ANKRD30B: variants seen among roughly 807,000 people sequenced by gnomAD.
The protein encoded by ANKRD30B is ankyrin repeat domain-containing protein 30B.
Under a neutral mutation model 202.2 loss-of-function variants are expected in ANKRD30B, and 144 were observed. That is an observed-to-expected ratio of 0.71 (90% CI 0.62 to 0.82). The LOEUF (loss-of-function observed/expected upper bound fraction) is 0.82. ANKRD30B is among the 40% of genes least tolerant of loss of function. The pLI is 0.00. For missense variants in ANKRD30B, 1,487 were observed against 1,669.1 expected, an observed-to-expected ratio of 0.89 and a Z score of 1.90; for synonymous variants, 508 against 561.3, an observed-to-expected ratio of 0.91 and a Z score of 1.34.
chr18:14,878,396 C>T, the ANKRD30B span, among the ~76,000 whole-genome samples: 1 of 152,106 alleles, frequency 6.6e-6, no homozygotes, highest in Non-Finnish European at 1.5e-5. Flanking sequence ...TTACACTTTA[C>T]TGCACTATTA....
chr18:14,910,702 T>A, the ANKRD30B span, among the ~76,000 whole-genome samples: 3 of 152,072 alleles, frequency 2.0e-5, no homozygotes, highest in South Asian at 6.2e-4. Flanking sequence ...GAAATCTCCA[T>A]TCTCTTTTTC....
the ANKRD30B span, among the ~76,000 whole-genome samples, chr18:14,862,608 T>C: frequency 6.6e-6 from 1 of 152,192 alleles, no homozygotes; most frequent in Non-Finnish European, 1.5e-5. Flanking sequence ...AATATGGGAT[T>C]GAAGCCTCCA....
the ANKRD30B span, among the ~76,000 whole-genome samples, chr18:14,908,453 A>G: frequency 6.6e-6 from 1 of 151,986 alleles, no homozygotes; most frequent in African/African-American, 2.4e-5. Flanking sequence ...CCTGTAGAAC[A>G]TCTCCTAATT....
At chr18:14,807,415 C>T (rs1969591157) in intron 24 of ANKRD30B, among the ~76,000 whole-genome samples, 1 of 150,158 alleles carries the variant, frequency 6.7e-6, no homozygotes, top group Admixed American at 6.6e-5. Flanking sequence ...GAATTCATTC[C>T]TTGAACAATA....
the ANKRD30B span, among the ~76,000 whole-genome samples, chr18:14,907,661 G>A: frequency 6.6e-6 from 1 of 152,220 alleles, no homozygotes; most frequent in African/African-American, 2.4e-5. Flanking sequence ...CTGTCTGATT[G>A]ATGGATCAGC....
chr18:14,925,830 G>A, the ANKRD30B span, among the ~76,000 whole-genome samples: 2 of 152,258 alleles, frequency 1.3e-5, no homozygotes, highest in East Asian at 3.9e-4. Context: ...AGATTGAAGA[G>A]GAGCCTGGAA....
At chr18:14,796,565 A>C (rs770724838) in intron 18 of ANKRD30B, 150 bp downstream of exon 18, 3 of 1,116,528 alleles carry the variant, frequency 2.7e-6, no homozygotes, top group Non-Finnish European at 3.7e-6. Context: ...TTTATGTTTG[A>C]GAAAATGCCA....
At chr18:14,829,942 C>A (rs566366121) in intron 33 of ANKRD30B, among the ~76,000 whole-genome samples, 119 of 152,258 alleles carry the variant, frequency 7.8e-4, no homozygotes, top group African/African-American at 2.8e-3. Flanking sequence ...TTTTCCAAGC[C>A]TCTGATGTCC....
chr18:14,826,693 T>TCACACACACACACACA lies in ANKRD30B; in HGVS notation c.2744-1566_2744-1551dup, dbSNP rs61497414. Among the ~76,000 whole-genome samples, 227 of 125,030 alleles carry TCACACACACACACACA rather than the reference T, an allele frequency of 1.8e-3. 2 individuals carry two copies. Among genetic ancestry groups the TCACACACACACACACA allele is most frequent in the African/African-American group, 5.5e-3 (189 of 34,354 alleles). 82.0% of individuals were successfully genotyped at this position (125,030 alleles called of 152,430 possible). ...CTCTCTCCCCCTCTCTCTCTCTCTC[T>TCACACACACACACACA]CACACACACACACACACACACACAC... On this transcript the variant is annotated intron_variant, in intron 32 of 43. Coordinates refer to ENST00000690538, the MANE Select transcript of ANKRD30B (RefSeq NM_001367607.2).
the ANKRD30B span, among the ~76,000 whole-genome samples, chr18:14,879,467 C>T: frequency 2.0e-5 from 3 of 152,160 alleles, no homozygotes; most frequent in East Asian, 1.9e-4. Flanking sequence ...GCAATCCCCT[C>T]GCTGCCGTGC....
chr18:14,923,521 G>A, the ANKRD30B span, among the ~76,000 whole-genome samples: 1 of 151,972 alleles, frequency 6.6e-6, no homozygotes, highest in Non-Finnish European at 1.5e-5. Flanking sequence ...TAAGGTTTCC[G>A]ACTCCAGGCC....
intron 30 of ANKRD30B, among the ~76,000 whole-genome samples, chr18:14,819,138 T>C (rs776747211): frequency 2.5e-4 from 37 of 150,222 alleles, no homozygotes; most frequent in Admixed American, 8.6e-4. Context: ...TTTCATGTGT[T>C]TTTTGGCTGC....
At chr18:14,924,735 G>A in the ANKRD30B span, among the ~76,000 whole-genome samples, 1 of 152,244 alleles carries the variant, frequency 6.6e-6, no homozygotes, top group Non-Finnish European at 1.5e-5. Flanking sequence ...TGTCGGGGCT[G>A]TCTCTGCATC....
chr18:14,841,809 C>T (rs1241656349), intron 37 of ANKRD30B, among the ~76,000 whole-genome samples: 1 of 152,148 alleles, frequency 6.6e-6, no homozygotes, highest in African/African-American at 2.4e-5. Context: ...ATTGTGGGTA[C>T]TCCAGAGACT....
At chr18:14,826,513 A>G (rs1374318982) in intron 32 of ANKRD30B, among the ~76,000 whole-genome samples, 1 of 152,164 alleles carries the variant, frequency 6.6e-6, no homozygotes, top group Non-Finnish European at 1.5e-5. Flanking sequence ...AGCAGCATAT[A>G]TACACAGGGT....
At chr18:14,819,225 T>C (rs1157659374) in intron 30 of ANKRD30B, among the ~76,000 whole-genome samples, 1 of 149,222 alleles carries the variant, frequency 6.7e-6, no homozygotes, top group Non-Finnish European at 1.5e-5. Context: ...TTTTTTCTTG[T>C]AAATTTGTTT....
the ANKRD30B span, chr18:14,910,010 A>G: frequency 6.6e-6 from 1 of 152,226 alleles, no homozygotes; most frequent in African/African-American, 2.4e-5. Flanking sequence ...ATAAAAAAAA[A>G]TCAGATGATG....
chr18:14,825,694 G>A (rs888685438), intron 32 of ANKRD30B, among the ~76,000 whole-genome samples: 3 of 151,878 alleles, frequency 2.0e-5, no homozygotes, highest in Admixed American at 6.6e-5. Flanking sequence ...CACTTTGTCC[G>A]ATCCCCTACA....
intron 10 of ANKRD30B, among the ~76,000 whole-genome samples, chr18:14,778,495 C>T (rs1170818440): frequency 2.0e-5 from 3 of 152,188 alleles, no homozygotes; most frequent in African/African-American, 4.8e-5. Context: ...CAGAGAATTA[C>T]AGCAAACATG....
Sources: gnomAD v4.1 joint callset for allele counts (sites outside exome capture counted in the v4.1 genomes callset) on GRCh38, gnomAD v4.1.1 for gene constraint, MANE v1.5 for transcripts, NCBI Gene and HGNC (gene_info 2026-07-23, HGNC 2026-07-21) for gene names.